Variants in CDYL2 observed in about 807,000 individuals in gnomAD.
CDYL2 encodes chromodomain Y-like protein 2.
CDYL2 carries 23 observed loss-of-function variants against 49.4 expected under a neutral mutation model. The ratio of observed to expected loss-of-function variants is 0.47; its 90% CI spans 0.34 to 0.66. CDYL2 has a LOEUF of 0.66. Ranked by LOEUF, CDYL2 falls within the 30% of genes least tolerant of loss-of-function variation. The pLI, the probability that CDYL2 is intolerant of heterozygous loss-of-function variation, is 0.01. For synonymous variants in CDYL2, 360 were observed against 268.8 expected, an observed-to-expected ratio of 1.34 and a Z score of -3.32; for missense variants, 678 against 656.4, an observed-to-expected ratio of 1.03 and a Z score of -0.36.
rs370815076 is a variant in CDYL2 at position 80,633,219 on chromosome 16, C to A, written c.634G>T (p.Gly212Trp). The part of the protein sequence containing the change: ...ENGLGSALTN[G>W]GLNLHSPVKR... ...ACTGGACTGTGCAGGTTCAATCCCC[C>A]GTTGGTCAGAGCAGAGCCTTCCAAA... The change falls in exon 3 of 7, where the codon GGG (glycine) becomes TGG (tryptophan). Residue 212 changes from glycine (G) to tryptophan (W), a missense_variant. By Grantham distance (184) the Gly-to-Trp change is radical (BLOSUM62 -2). Coordinates refer to ENST00000570137, the MANE Select transcript of CDYL2 (RefSeq NM_152342.4). 6.9e-5 allele frequency: 112 copies of A among 1,613,988 alleles called. 1 individual carries two copies. The highest frequency in any genetic ancestry group is 4.5e-4 in the Admixed American group (27 of 60,006).
chr16:80,622,331 C>A (rs968199463), intron 3 of CDYL2, among the ~76,000 whole-genome samples: 3 of 152,204 alleles, frequency 2.0e-5, no homozygotes, highest in African/African-American at 7.2e-5. Flanking sequence ...TTGCACATGC[C>A]AATCTCCCCA....
At chr16:80,614,768 G>C (rs917821897) in intron 4 of CDYL2, among the ~76,000 whole-genome samples, 1 of 151,574 alleles carries the variant, frequency 6.6e-6, no homozygotes. Context: ...GGAGGCTGAG[G>C]CAGGAGGATT....
chr16:80,775,301 T>G (rs944111514), intron 1 of CDYL2, among the ~76,000 whole-genome samples: 4 of 151,864 alleles, frequency 2.6e-5, no homozygotes, highest in Non-Finnish European at 5.9e-5. Context: ...GAGGAAATGT[T>G]AAAGATAAAA....
chr16:80,681,388 G>A (rs150303331), intron 2 of CDYL2, among the ~76,000 whole-genome samples: 9 of 152,256 alleles, frequency 5.9e-5, no homozygotes, highest in Non-Finnish European at 5.9e-5. Context: ...TCAGGGCTAC[G>A]TGGGCCTGAA....
At chr16:80,650,239 C>T (rs749655785) in intron 2 of CDYL2, among the ~76,000 whole-genome samples, 7 of 152,098 alleles carry the variant, frequency 4.6e-5, no homozygotes, top group Admixed American at 6.6e-5. Flanking sequence ...GATTAATAAC[C>T]AGCATATATA....
At chr16:80,680,243 A>G (rs898775662) in intron 2 of CDYL2, among the ~76,000 whole-genome samples, 3 of 152,172 alleles carry the variant, frequency 2.0e-5, no homozygotes, top group Non-Finnish European at 4.4e-5. Flanking sequence ...CAAACACTGA[A>G]TCATGCAATG....
At chr16:80,661,698 G>A (rs995897701) in intron 2 of CDYL2, among the ~76,000 whole-genome samples, 3 of 152,156 alleles carry the variant, frequency 2.0e-5, no homozygotes, top group African/African-American at 4.8e-5. Context: ...CCAGAGCCTA[G>A]TCTTTGCTGA....
At chr16:80,746,396 G>A (rs1000809545) in intron 1 of CDYL2, among the ~76,000 whole-genome samples, 1 of 152,164 alleles carries the variant, frequency 6.6e-6, no homozygotes, top group African/African-American at 2.4e-5. Flanking sequence ...AGCTCGAAAT[G>A]TTCCATTTGG....
chr16:80,760,080 T>C (rs1906474130), intron 1 of CDYL2, among the ~76,000 whole-genome samples: 1 of 152,264 alleles, frequency 6.6e-6, no homozygotes, highest in Admixed American at 6.5e-5. Context: ...TGGGTGTCAC[T>C]GTTCACTTTA....
At chr16:80,789,272 G>T (rs773253983) in intron 1 of CDYL2, among the ~76,000 whole-genome samples, 1 of 152,134 alleles carries the variant, frequency 6.6e-6, no homozygotes, top group African/African-American at 2.4e-5. Flanking sequence ...CCATTACTGG[G>T]TATCTACCCA....
chr16:80,778,392 T>C (rs1053563048), intron 1 of CDYL2, among the ~76,000 whole-genome samples: 5 of 150,844 alleles, frequency 3.3e-5, no homozygotes, highest in Non-Finnish European at 5.9e-5. Flanking sequence ...GACTATCTTA[T>C]ATAAAATTAT....
chr16:80,804,811 G>A (rs1270803390), upstream of CDYL2, among the ~76,000 whole-genome samples: 1 of 150,510 alleles, frequency 6.6e-6, no homozygotes, highest in Non-Finnish European at 1.5e-5. Flanking sequence ...GGGCCGCGAA[G>A]GGGCGGCCGG....
intron 2 of CDYL2, among the ~76,000 whole-genome samples, chr16:80,637,586 A>G (rs1290957517): frequency 6.6e-6 from 1 of 152,230 alleles, no homozygotes; most frequent in East Asian, 1.9e-4. Flanking sequence ...AGGTCACAGA[A>G]TACAAGGTTA....
chr16:80,673,284 C>G (rs181003745), intron 2 of CDYL2, among the ~76,000 whole-genome samples: 2 of 152,090 alleles, frequency 1.3e-5, no homozygotes, highest in Non-Finnish European at 2.9e-5. Flanking sequence ...CATGCCATTG[C>G]ACTCCAGCCT....
intron 1 of CDYL2, among the ~76,000 whole-genome samples, chr16:80,790,372 T>G (rs945729088): frequency 1.3e-5 from 2 of 152,156 alleles, no homozygotes; most frequent in African/African-American, 4.8e-5. Flanking sequence ...AAACAACCTT[T>G]GTCTACACAA....
Position 80,612,557 on chromosome 16 carries a change from G to A in CDYL2, c.1218+69C>T. ...ACCCTCAGGTTTCTAGCCCCATGAA[G>A]AGCCCCTAAACCCAAGGCAGAGGAA... is the stretch of plus-strand genomic sequence containing the variant. On this transcript the variant is annotated intron_variant, in intron 5 of 6. Transcript: ENST00000570137. The surrounding 1 kb of genome is among the most constrained non-coding windows in gnomAD (Gnocchi z 5.0). 1 of 1,454,348 alleles carries A rather than the reference G, an allele frequency of 6.9e-7. No homozygotes were observed. Among genetic ancestry groups the A allele is most frequent in the Admixed American group, 2.2e-5 (1 of 45,648 alleles). The allele number at this position is 1,454,348 out of a possible 1,614,324, so 90.1% of individuals were successfully genotyped here.
intron 1 of CDYL2, among the ~76,000 whole-genome samples, chr16:80,794,473 T>C (rs1252763110): frequency 6.6e-6 from 1 of 152,094 alleles, no homozygotes; most frequent in Non-Finnish European, 1.5e-5. Flanking sequence ...TTCTGAGGTA[T>C]GCTCACCAAA....
At chr16:80,695,137 G>A (rs1186518177) in intron 1 of CDYL2, among the ~76,000 whole-genome samples, 3 of 152,204 alleles carry the variant, frequency 2.0e-5, no homozygotes, top group Non-Finnish European at 4.4e-5. Flanking sequence ...TTTGTTTTTG[G>A]AAGTAAAGTT....
chr16:80,681,194 A>T (rs959317811), intron 2 of CDYL2, among the ~76,000 whole-genome samples: 1 of 152,192 alleles, frequency 6.6e-6, no homozygotes, highest in Admixed American at 6.5e-5. Flanking sequence ...AAAAAGCAAC[A>T]GCCCACCCCC....
Sources: gnomAD v4.1 joint callset for allele counts (sites outside exome capture counted in the v4.1 genomes callset) on GRCh38, gnomAD v4.1.1 for gene constraint, Gnocchi (gnomAD v3.1) non-coding constraint, MANE v1.5 for transcripts, NCBI Gene and HGNC (gene_info 2026-07-23, HGNC 2026-07-21) for gene names.